Variants in CDH4 observed in about 807,000 individuals in gnomAD.
The protein encoded by CDH4 is cadherin 4, also known as cadherin-4.
In CDH4, 33 loss-of-function variants were observed where a neutral mutation model predicts 86.0. The observed-to-expected ratio is 0.38, with a 90% CI of 0.29 to 0.51. The LOEUF is 0.51. Ranked by LOEUF, CDH4 falls within the 20% of genes least tolerant of loss-of-function variation. The pLI, the probability that CDH4 is intolerant of heterozygous loss-of-function variation, is 0.86. For synonymous variants in CDH4, 555 were observed against 549.4 expected (o/e 1.01, Z -0.14); for missense variants, 1,114 against 1,307.4 (o/e 0.85, Z 2.28).
At chr20:61,549,216 A>G in intron 2 of CDH4, among the ~76,000 whole-genome samples, 1 of 152,324 alleles carries the variant, frequency 6.6e-6, no homozygotes, top group African/African-American at 2.4e-5. Context: ...AGGTTGAACC[A>G]ATAGCAATTG....
At chr20:61,890,501 G>T (rs891700375) in intron 7 of CDH4, among the ~76,000 whole-genome samples, 3 of 151,554 alleles carry the variant, frequency 2.0e-5, no homozygotes, top group African/African-American at 7.3e-5. Flanking sequence ...TGGATGCATG[G>T]GTGGATGATG....
chr20:61,519,238 T>C (rs570194914), intron 2 of CDH4, among the ~76,000 whole-genome samples: 3 of 152,242 alleles, frequency 2.0e-5, no homozygotes, highest in African/African-American at 7.2e-5. Context: ...TGTGCCTCTG[T>C]CTTTGAAAAC....
chr20:61,489,117 T>C (rs2085611944), intron 2 of CDH4, among the ~76,000 whole-genome samples: 1 of 152,140 alleles, frequency 6.6e-6, no homozygotes, highest in Admixed American at 6.5e-5. Context: ...CCCCATCTCC[T>C]CCCAGCCTCA....
At chr20:61,774,651 G>C (rs1282464192) in intron 4 of CDH4, among the ~76,000 whole-genome samples, 2 of 151,520 alleles carry the variant, frequency 1.3e-5, no homozygotes, top group Admixed American at 1.3e-4. Flanking sequence ...GCATCCATTA[G>C]CTATTCTTCC....
chr20:61,898,933 G>A (rs1364480253), intron 8 of CDH4, among the ~76,000 whole-genome samples: 1 of 152,192 alleles, frequency 6.6e-6, no homozygotes, highest in Non-Finnish European at 1.5e-5. Context: ...TCCCGTCTCG[G>A]TCTTTCATAG....
At chr20:61,294,374 C>T (rs1313480702) in intron 2 of CDH4, among the ~76,000 whole-genome samples, 1 of 152,208 alleles carries the variant, frequency 6.6e-6, no homozygotes, top group African/African-American at 2.4e-5. Context: ...GCTCTGTGGT[C>T]TCGCCATCTG....
At chr20:61,548,759 G>A (rs1016726189) in intron 2 of CDH4, among the ~76,000 whole-genome samples, 2 of 152,150 alleles carry the variant, frequency 1.3e-5, no homozygotes, top group East Asian at 1.9e-4. Context: ...CAGGTACACC[G>A]TGACCATTAT....
intron 2 of CDH4, among the ~76,000 whole-genome samples, chr20:61,721,781 A>G (rs1600912519): frequency 6.6e-6 from 1 of 152,158 alleles, no homozygotes. Flanking sequence ...TGACTTCATT[A>G]CCAGCTTTTT....
intron 2 of CDH4, among the ~76,000 whole-genome samples, chr20:61,301,375 G>T (rs1319557334): frequency 1.3e-5 from 2 of 152,228 alleles, no homozygotes; most frequent in Non-Finnish European, 2.9e-5. Flanking sequence ...AGCCATGTTT[G>T]AAAACACATT....
chr20:61,286,808 A>G (rs1386302239), intron 2 of CDH4, among the ~76,000 whole-genome samples: 1 of 152,236 alleles, frequency 6.6e-6, no homozygotes, highest in Non-Finnish European at 1.5e-5. Flanking sequence ...GAGCACTCAG[A>G]CATCCTCTGG....
In CDH4 at chr20:61,811,664, C is replaced by T. The variant is rs1467202180; in HGVS notation, c.577-33004C>T. 1.3e-5 allele frequency among the ~76,000 whole-genome samples: 2 copies of T among 151,516 alleles called. No individual in the cohort carries two copies. The highest frequency in any genetic ancestry group is 4.9e-5 in the African/African-American group (2 of 41,220). ...ACGCCCCTGCCACCCGGGGTCACGC[C>T]CCTGGCTGCCTACTGAGCTTTTTTT... is the stretch of plus-strand genomic sequence containing the variant. On this transcript the variant is annotated intron_variant, in intron 4 of 15. Coordinates refer to ENST00000614565, the MANE Select transcript of CDH4 (RefSeq NM_001794.5). The surrounding 1 kb of genome is among the most constrained non-coding windows in gnomAD (Gnocchi z 4.4).
intron 4 of CDH4, among the ~76,000 whole-genome samples, chr20:61,806,927 T>G (rs979472192): frequency 1.1e-4 from 17 of 152,176 alleles, no homozygotes; most frequent in African/African-American, 3.9e-4. Context: ...GCCGCTGCAC[T>G]CCAGGTTTTC....
chr20:61,537,391 GCTGA>G (rs1432980930), intron 2 of CDH4, among the ~76,000 whole-genome samples: 1 of 152,166 alleles, frequency 6.6e-6, no homozygotes, highest in African/African-American at 2.4e-5. Flanking sequence ...AGAGGGAGAG[GCTGA>G]CTGACTGAGC....
chr20:61,259,686 T>C (rs926229898), intron 2 of CDH4, among the ~76,000 whole-genome samples: 16 of 152,184 alleles, frequency 1.1e-4, no homozygotes, highest in African/African-American at 3.9e-4. Context: ...CTCTCTCCCT[T>C]GCCAACAAAC....
At chr20:61,563,068 G>A (rs1390090447) in intron 2 of CDH4, among the ~76,000 whole-genome samples, 2 of 152,222 alleles carry the variant, frequency 1.3e-5, no homozygotes, top group African/African-American at 4.8e-5. Flanking sequence ...TCTACACGAG[G>A]GTCCGTGGGG....
chr20:61,915,454 C>T (rs529053356), intron 9 of CDH4, among the ~76,000 whole-genome samples: 1 of 152,338 alleles, frequency 6.6e-6, no homozygotes, highest in East Asian at 1.9e-4. Context: ...CCTCCTGAGG[C>T]AGCATGAAAC....
At chr20:61,358,303 C>T (rs1439632201) in intron 2 of CDH4, among the ~76,000 whole-genome samples, 10 of 152,176 alleles carry the variant, frequency 6.6e-5, no homozygotes, top group Admixed American at 1.3e-4. Context: ...CCTTATTTCC[C>T]GAGGCACCAA....
chr20:61,408,936 G>T (rs2085099304), intron 2 of CDH4, among the ~76,000 whole-genome samples: 1 of 152,212 alleles, frequency 6.6e-6, no homozygotes, highest in African/African-American at 2.4e-5. Flanking sequence ...ACACACAGTT[G>T]TGGGCTTTTG....
intron 2 of CDH4, among the ~76,000 whole-genome samples, chr20:61,675,138 G>A (rs148378033): frequency 0.012 from 1,835 of 152,342 alleles, 26 homozygotes; most frequent in Non-Finnish European, 0.02. Context: ...CTGTTTTTTG[G>A]CAGAAATCCC....
Sources: allele counts gnomAD v4.1 joint callset (sites outside exome capture counted in the v4.1 genomes callset), GRCh38; gene constraint gnomAD v4.1.1; non-coding constraint Gnocchi (gnomAD v3.1); transcripts MANE v1.5; gene names NCBI Gene and HGNC (gene_info 2026-07-23, HGNC 2026-07-21).